Variants in CCDC149 observed in about 807,000 individuals in gnomAD.
CCDC149 encodes coiled-coil domain-containing protein 149.
Under a neutral mutation model 59.9 loss-of-function variants are expected in CCDC149, and 45 were observed. The observed-to-expected ratio is 0.75, with a 90% CI of 0.59 to 0.96. CCDC149 has a LOEUF of 0.96. Among genes scored for constraint, CCDC149 ranks in the 40% least tolerant of loss-of-function variants. The pLI, the probability that CCDC149 is intolerant of heterozygous loss-of-function variation, is 0.00. For missense variants in CCDC149, 584 were observed against 664.7 expected, an observed-to-expected ratio of 0.88 and a Z score of 1.33; for synonymous variants, 245 against 260.6, an observed-to-expected ratio of 0.94 and a Z score of 0.58.
chr4:24,835,198 G>A (rs1294289756), intron 7 of CCDC149, among the ~76,000 whole-genome samples, 166 bp from the exon 8 acceptor site: 4 of 152,140 alleles, frequency 2.6e-5, no homozygotes, highest in African/African-American at 4.8e-5. Flanking sequence ...TAATTTTTAC[G>A]GCCTGGTAAG....
chr4:24,865,702 GT>G (rs1296259816), intron 3 of CCDC149, among the ~76,000 whole-genome samples: 6 of 152,180 alleles, frequency 3.9e-5, no homozygotes, highest in Admixed American at 3.3e-4. Context: ...TTAAATAAAT[GT>G]TTGCTTCATC....
At chr4:24,969,949 G>T (rs939782736) in intron 1 of CCDC149, among the ~76,000 whole-genome samples, 2 of 152,208 alleles carry the variant, frequency 1.3e-5, no homozygotes, top group African/African-American at 4.8e-5. Flanking sequence ...GCCAGGGAAA[G>T]AACTCTCCTC....
At chr4:24,839,020 TCTCTCTCTCACACA>T (rs1459971620) in intron 4 of CCDC149, among the ~76,000 whole-genome samples, 4 of 111,124 alleles carry the variant, frequency 3.6e-5, no homozygotes, top group South Asian at 3.3e-4. Context: ...TCTCTCTCTC[TCTCTCTCTCACACA>T]CACACACACA....
intron 1 of CCDC149, among the ~76,000 whole-genome samples, chr4:24,960,862 G>C (rs1182284440): frequency 6.6e-6 from 1 of 152,142 alleles, no homozygotes; most frequent in Non-Finnish European, 1.5e-5. Context: ...AAAATCAGTA[G>C]AGATGTAATA....
Position 24,876,618 on chromosome 4 carries a change from TGTTGACAG to T in CCDC149, c.135_142del (p.Cys46GlyfsTer28). 1 of 1,614,200 alleles carries T rather than the reference TGTTGACAG, an allele frequency of 6.2e-7. No individual in the cohort carries two copies. Among genetic ancestry groups the T allele is most frequent in the Non-Finnish European group, 8.5e-7 (1 of 1,180,028 alleles). On this transcript the variant is annotated frameshift_variant, in exon 2 of 13. Transcript: ENST00000635206. LOFTEE classifies it high-confidence loss of function. ...CATGAGTTTGTACTGGTCCCTTTCC[TGTTGACAG>T]GTGTCCAGCTCCTTGGAGAGGATCA...
chr4:24,825,219 G>A (rs547885531), intron 9 of CCDC149, among the ~76,000 whole-genome samples: 10 of 152,198 alleles, frequency 6.6e-5, no homozygotes, highest in Admixed American at 2.0e-4. Flanking sequence ...GAGACTAAAC[G>A]TCTGGTGGGA....
chr4:24,955,642 A>T (rs1180827551), intron 1 of CCDC149, among the ~76,000 whole-genome samples: 1 of 152,228 alleles, frequency 6.6e-6, no homozygotes, highest in Admixed American at 6.5e-5. Flanking sequence ...CAAATATTGT[A>T]TGATTCTACT....
chr4:24,940,914 C>A (rs1377771749), intron 1 of CCDC149, among the ~76,000 whole-genome samples: 3 of 152,184 alleles, frequency 2.0e-5, no homozygotes, highest in African/African-American at 7.2e-5. Flanking sequence ...TAGTGACCTA[C>A]AAAGAGACTT....
chr4:24,914,980 T>C (rs911059280), upstream of CCDC149, among the ~76,000 whole-genome samples: 4 of 152,196 alleles, frequency 2.6e-5, no homozygotes, highest in African/African-American at 7.2e-5. Context: ...TTCAATAACA[T>C]TGCACACCAT....
At position 24,813,525 on chromosome 4, in the gene CCDC149, T is replaced by TATATATATATATAA. The variant is rs1252452441; in HGVS notation, c.1193-4707_1193-4706insTTATATATATATAT. Among the ~76,000 whole-genome samples the TATATATATATATAA allele has an allele frequency of 1.1e-4, 9 of 83,018 alleles. No individual in the cohort carries two copies. The South Asian group carries it at 2.0e-3, about 19-fold the overall frequency. 54.5% of individuals were successfully genotyped at this position (83,018 alleles called of 152,430 possible). ...ATATATATATATATATATATATATA[T>TATATATATATATAA]ATAAAACCTAAAAAGGAAATATAAT... On this transcript the variant is annotated intron_variant, in intron 12 of 12. Transcript: ENST00000635206.
At chr4:24,865,273 C>T (rs1306266318) in intron 3 of CCDC149, among the ~76,000 whole-genome samples, 2 of 152,170 alleles carry the variant, frequency 1.3e-5, no homozygotes, top group African/African-American at 4.8e-5. Flanking sequence ...ACCCTTAAAT[C>T]CATACCTTCA....
chr4:24,851,408 G>A (rs1321926164), intron 4 of CCDC149, among the ~76,000 whole-genome samples: 5 of 152,168 alleles, frequency 3.3e-5, no homozygotes, highest in African/African-American at 7.2e-5. Context: ...GACTACAAGC[G>A]CGTGCCACCA....
chr4:24,934,173 A>G (rs1006074283), intron 1 of CCDC149, among the ~76,000 whole-genome samples: 1 of 152,200 alleles, frequency 6.6e-6, no homozygotes, highest in Non-Finnish European at 1.5e-5. Context: ...CTCATCTTGA[A>G]TTGTAGCTCC....
At chr4:24,812,534 C>T (rs1303191694) in intron 12 of CCDC149, among the ~76,000 whole-genome samples, 2 of 152,196 alleles carry the variant, frequency 1.3e-5, no homozygotes, top group Non-Finnish European at 2.9e-5. Flanking sequence ...CCCATAGAGT[C>T]CCTCCTGTTT....
At chr4:24,865,199 G>A (rs1399841054) in intron 3 of CCDC149, among the ~76,000 whole-genome samples, 1 of 151,982 alleles carries the variant, frequency 6.6e-6, no homozygotes, top group African/African-American at 2.4e-5. Context: ...GAAAAGTAAG[G>A]AAAAAGAGAA....
rs1716582577 is a variant in CCDC149 at position 24,837,033 on chromosome 4, AG to A, written c.662+194del. 6.6e-6 allele frequency among the ~76,000 whole-genome samples: 1 copy of A among 151,462 alleles called. No individual in the cohort carries two copies. Among genetic ancestry groups the A allele is most frequent in the African/African-American group, 2.4e-5 (1 of 41,134 alleles). ...GAGAAGGGAGATGTGTGCACTGTGTAGGTGTGGGCTGCTTTCCTTTTTCACT... is the reference window on the plus strand; with the variant it reads ...GAGAAGGGAGATGTGTGCACTGTGTAGTGTGGGCTGCTTTCCTTTTTCACT... On this transcript the variant is annotated intron_variant, in intron 6 of 12. Coordinates refer to ENST00000635206, the MANE Select transcript of CCDC149 (RefSeq NM_001330643.2). The surrounding 1 kb of genome is among the most constrained non-coding windows in gnomAD (Gnocchi z 4.3).
intron 4 of CCDC149, among the ~76,000 whole-genome samples, chr4:24,841,679 TG>T (rs1329390389): frequency 6.6e-6 from 1 of 152,232 alleles, no homozygotes; most frequent in African/African-American, 2.4e-5. Flanking sequence ...TGGTGTGCAC[TG>T]GAGTTGGCCC....
upstream of CCDC149, among the ~76,000 whole-genome samples, chr4:24,915,094 G>T (rs1479424080): frequency 6.6e-6 from 1 of 152,194 alleles, no homozygotes; most frequent in Non-Finnish European, 1.5e-5. Context: ...ACCATTCTGG[G>T]CTGCCTAACT....
At chr4:24,891,736 T>A (rs1439237671) in intron 1 of CCDC149, among the ~76,000 whole-genome samples, 6 of 152,224 alleles carry the variant, frequency 3.9e-5, no homozygotes, top group Non-Finnish European at 5.9e-5. Context: ...CAGTGGCTCA[T>A]GCCTGTAATC....
Sources: gnomAD v4.1 joint callset for allele counts (sites outside exome capture counted in the v4.1 genomes callset) on GRCh38, gnomAD v4.1.1 for gene constraint, Gnocchi (gnomAD v3.1) non-coding constraint, MANE v1.5 for transcripts, NCBI Gene and HGNC (gene_info 2026-07-23, HGNC 2026-07-21) for gene names.